SEMA3C: variants seen among roughly 807,000 people sequenced by gnomAD.
SEMA3C encodes the protein semaphorin-3C.
SEMA3C carries 47 observed loss-of-function variants against 89.4 expected under a neutral mutation model. The ratio of observed to expected loss-of-function variants is 0.53; its 90% confidence interval spans 0.42 to 0.67. The LOEUF is 0.67. Among genes scored for constraint, SEMA3C ranks in the 30% least tolerant of loss-of-function variants. The pLI is 0.00. For synonymous variants in SEMA3C, 310 were observed against 320.2 expected (o/e 0.97, Z 0.34); for missense variants, 839 against 929.1 (o/e 0.90, Z 1.26).
At chr7:80,778,617 G>T (rs1200387198) in intron 12 of SEMA3C, among the ~76,000 whole-genome samples, 2 of 152,066 alleles carry the variant, frequency 1.3e-5, no homozygotes, top group East Asian at 1.9e-4. Flanking sequence ...CTCAGAATGT[G>T]GTCATCAAAC....
chr7:80,796,301 G>A (rs1040885102), intron 11 of SEMA3C: 1 of 152,066 alleles, frequency 6.6e-6, no homozygotes, highest in Admixed American at 6.6e-5. Flanking sequence ...ATATATAACG[G>A]AATTTGAAAG....
At chr7:80,877,823 T>C (rs1392802709) in intron 2 of SEMA3C, among the ~76,000 whole-genome samples, 2 of 152,164 alleles carry the variant, frequency 1.3e-5, no homozygotes, top group Non-Finnish European at 2.9e-5. Flanking sequence ...ATGGAAGAGA[T>C]AATTTCTGAC....
At chr7:80,852,826 C>T (rs908305079) in intron 2 of SEMA3C, among the ~76,000 whole-genome samples, 1 of 151,774 alleles carries the variant, frequency 6.6e-6, no homozygotes, top group Non-Finnish European at 1.5e-5. Flanking sequence ...CTACAGGTGC[C>T]CACCACCACG....
chr7:80,826,938 C>T (rs903990312), intron 4 of SEMA3C, among the ~76,000 whole-genome samples: 2 of 152,098 alleles, frequency 1.3e-5, no homozygotes, highest in African/African-American at 4.8e-5. Flanking sequence ...ATACTTATAT[C>T]TGCCTCTATT....
chr7:80,807,845 A>G (rs779976728), intron 6 of SEMA3C, among the ~76,000 whole-genome samples: 7 of 152,210 alleles, frequency 4.6e-5, no homozygotes, highest in Non-Finnish European at 8.8e-5. Context: ...AAGTACTATT[A>G]CATGGTTAAG....
rs67118064 is a variant in SEMA3C at position 80,827,161 on chromosome 7, G to A, written c.327+264C>T. ...CAGGTTGAATCCACTAGGAACAGAG[G>A]TTATTAATGAAATCCATCATGAAAT... On this transcript the variant is annotated intron_variant, in intron 4 of 17. Coordinates refer to ENST00000265361, the MANE Select transcript of SEMA3C (RefSeq NM_006379.5). Among the ~76,000 whole-genome samples, 7 of 151,954 alleles carry A rather than the reference G, an allele frequency of 4.6e-5. No individual in the cohort carries two copies. In the South Asian group the frequency reaches 6.2e-4, roughly 14 times the overall value.
At chr7:80,856,677 A>G (rs1205952253) in intron 2 of SEMA3C, among the ~76,000 whole-genome samples, 2 of 152,128 alleles carry the variant, frequency 1.3e-5, no homozygotes, top group African/African-American at 4.8e-5. Flanking sequence ...CTGGAAAAAA[A>G]ATGTTATAAA....
intron 2 of SEMA3C, among the ~76,000 whole-genome samples, chr7:80,872,449 G>C (rs1791083888): frequency 6.6e-6 from 1 of 152,110 alleles, no homozygotes; most frequent in African/African-American, 2.4e-5. Context: ...CCAAGAGGGG[G>C]GTGAGTAGAA....
chr7:80,888,317 G>T (rs1456047202), intron 2 of SEMA3C, among the ~76,000 whole-genome samples: 1 of 151,890 alleles, frequency 6.6e-6, no homozygotes, highest in African/African-American at 2.4e-5. Context: ...GGGAGGCCGA[G>T]GCAGGAGGAT....
rs1471336967 is a variant in SEMA3C, at chr7:80,834,021, C to A, written c.104-5276G>T. On this transcript the variant is annotated intron_variant, in intron 2 of 17. Transcript: ENST00000265361. ...TGGCATTGTCATTCCTTTAACCTCA[C>A]AATGATGTCATCCTTTTTGAAGCAT... Among the ~76,000 whole-genome samples, 3 of 152,264 alleles carry A rather than the reference C, an allele frequency of 2.0e-5. No homozygotes were observed. In the South Asian group the frequency reaches 6.2e-4, roughly 32 times the overall value.
In SEMA3C at chr7:80,744,876, G is replaced by T; in HGVS notation, c.*18C>A. 1 of 1,613,166 alleles carries T rather than the reference G, an allele frequency of 6.2e-7. No homozygotes were observed. The highest frequency in any genetic ancestry group is 8.5e-7 in the Non-Finnish European group (1 of 1,179,290). On this transcript the variant is annotated 3_prime_UTR_variant, in exon 18 of 18. Coordinates refer to ENST00000265361, the MANE Select transcript of SEMA3C (RefSeq NM_006379.5). ...AGAGCATTTGTTAATGGAAGCATAA[G>T]ACCCACATAAGAAAATATTATGACT...
intron 9 of SEMA3C, 102 bp from the exon 10 acceptor site, chr7:80,800,928 CA>C: frequency 3.2e-6 from 2 of 625,012 alleles, no homozygotes; most frequent in Non-Finnish European, 2.7e-6. Context: ...AAGTACTCTG[CA>C]AAAAGATATT....
At chr7:80,748,629 C>T (rs932101947) in intron 17 of SEMA3C, among the ~76,000 whole-genome samples, 2 of 152,082 alleles carry the variant, frequency 1.3e-5, no homozygotes, top group South Asian at 2.1e-4. Flanking sequence ...CTTTTACGAA[C>T]GTTTCCTCAC....
intron 11 of SEMA3C, among the ~76,000 whole-genome samples, chr7:80,789,846 A>G (rs1266379030): frequency 6.6e-6 from 1 of 152,182 alleles, no homozygotes; most frequent in Admixed American, 6.5e-5. Flanking sequence ...CCCAGACACC[A>G]TTTTGTTCAG....
intron 3 of SEMA3C, 56 bp downstream of exon 3, chr7:80,828,529 T>C: frequency 3.6e-6 from 5 of 1,402,888 alleles, no homozygotes; most frequent in Non-Finnish European, 4.8e-6. Flanking sequence ...TTTATTTTTT[T>C]TAAAAAAGAG....
At position 80,815,554 on chromosome 7, in the gene SEMA3C, C is replaced by CAAAAAAAAAAAAAAAAAAAA. The variant is rs761990267; in HGVS notation, c.447+2744_447+2745insTTTTTTTTTTTTTTTTTTTT. Among the ~76,000 whole-genome samples the CAAAAAAAAAAAAAAAAAAAA allele has an allele frequency of 1.3e-3, 77 of 58,814 alleles. 1 individual carries two copies. The highest frequency in any genetic ancestry group is 3.2e-3 in the Admixed American group (15 of 4,632). The allele number at this position is 58,814 out of a possible 152,430, so 38.6% of individuals were successfully genotyped here. ...AAACCCAATCCTTTCTTTAAATGGG[C>CAAAAAAAAAAAAAAAAAAAA]AAAAAAAAAAAAAAAAAAAGTAAAT... On this transcript the variant is annotated intron_variant, in intron 5 of 17. Coordinates refer to ENST00000265361, the MANE Select transcript of SEMA3C (RefSeq NM_006379.5).
intron 2 of SEMA3C, among the ~76,000 whole-genome samples, chr7:80,863,697 A>G (rs1015481174): frequency 6.7e-6 from 1 of 149,276 alleles, no homozygotes; most frequent in Non-Finnish European, 1.5e-5. Flanking sequence ...ACACACACAT[A>G]TATATGTGAT....
At chr7:80,754,952 TTTTTG>T (rs1388653330) in intron 15 of SEMA3C, among the ~76,000 whole-genome samples, 1 of 117,854 alleles carries the variant, frequency 8.5e-6, no homozygotes, top group African/African-American at 3.3e-5. Context: ...GAATTGTTTT[TTTTTG>T]TTTTTTTTTT....
At chr7:80,815,562 A>AAAAAAAAAAAAAAAAAAAAAAAAAAAG in intron 5 of SEMA3C, among the ~76,000 whole-genome samples, 1 of 150,612 alleles carries the variant, frequency 6.6e-6, no homozygotes, top group African/African-American at 2.4e-5. Context: ...GGCAAAAAAA[A>AAAAAAAAAAAAAAAAAAAAAAAAAAAG]AAAAAAAAAA....
Sources: allele counts gnomAD v4.1 joint callset (sites outside exome capture counted in the v4.1 genomes callset), GRCh38; gene constraint gnomAD v4.1.1; transcripts MANE v1.5; gene names NCBI Gene and HGNC (gene_info 2026-07-23, HGNC 2026-07-21).